Variants in EXOC4 observed in about 807,000 individuals in gnomAD.
EXOC4 encodes the protein exocyst complex component 4.
Under a neutral mutation model 107.2 loss-of-function variants are expected in EXOC4, and 71 were observed. That is an observed-to-expected ratio of 0.66 (90% CI 0.55 to 0.81). EXOC4 has a LOEUF of 0.81. Among genes scored for constraint, EXOC4 ranks in the 30% least tolerant of loss-of-function variants. EXOC4 has a pLI of 0.00. For synonymous variants in EXOC4, 456 were observed against 441.2 expected (o/e 1.03, Z -0.42); for missense variants, 1,108 against 1,189.6 (o/e 0.93, Z 1.01).
chr7:133,809,953 G>A (rs928348710), intron 10 of EXOC4, among the ~76,000 whole-genome samples: 2 of 152,110 alleles, frequency 1.3e-5, no homozygotes, highest in African/African-American at 4.8e-5. Context: ...AATGAATGAT[G>A]TGCTCTCATG....
At chr7:133,561,246 A>G (rs1431598811) in intron 9 of EXOC4, among the ~76,000 whole-genome samples, 1 of 152,202 alleles carries the variant, frequency 6.6e-6, no homozygotes, top group Non-Finnish European at 1.5e-5. Flanking sequence ...GTGGGATTGG[A>G]TTGGCCTTTA....
intron 5 of EXOC4, among the ~76,000 whole-genome samples, chr7:133,342,459 T>G (rs1474928585): frequency 6.6e-6 from 1 of 152,198 alleles, no homozygotes; most frequent in Non-Finnish European, 1.5e-5. Flanking sequence ...TAAGATTCTT[T>G]CCTTTGTCTT....
intron 10 of EXOC4, among the ~76,000 whole-genome samples, chr7:133,817,015 G>T (rs11489672): frequency 0.024 from 3,577 of 152,204 alleles, 146 homozygotes; most frequent in African/African-American, 0.082. Context: ...ACAATAATTT[G>T]TGTTTTTTGT....
intron 11 of EXOC4, among the ~76,000 whole-genome samples, chr7:133,850,626 TC>T (rs1234020200): frequency 1.3e-5 from 2 of 150,696 alleles, no homozygotes; most frequent in African/African-American, 4.9e-5. Context: ...TTAAAGGTTA[TC>T]TAGGTTACCC....
chr7:133,697,688 C>T (rs1794566751), intron 10 of EXOC4, among the ~76,000 whole-genome samples: 2 of 152,164 alleles, frequency 1.3e-5, no homozygotes, highest in Admixed American at 6.5e-5. Flanking sequence ...CCAACAAGGA[C>T]AAGTGGGGAT....
intron 17 of EXOC4, among the ~76,000 whole-genome samples, chr7:134,063,232 A>G (rs535413917): frequency 6.6e-6 from 1 of 152,092 alleles, no homozygotes; most frequent in Admixed American, 6.5e-5. Context: ...CTTCCCTCCA[A>G]CTAGAATTTC....
intron 7 of EXOC4, among the ~76,000 whole-genome samples, chr7:133,383,330 A>G (rs1038973105): frequency 2.0e-5 from 3 of 152,206 alleles, no homozygotes; most frequent in African/African-American, 7.2e-5. Flanking sequence ...GTTGACTTAA[A>G]TGTGTAACTC....
intron 7 of EXOC4, among the ~76,000 whole-genome samples, chr7:133,396,759 G>A (rs2150725228): frequency 6.6e-6 from 1 of 152,246 alleles, no homozygotes; most frequent in South Asian, 2.1e-4. Flanking sequence ...CTATTTTACA[G>A]AGAAGCTTCC....
rs145229025 is a variant in EXOC4 at position 133,631,049 on chromosome 7, T to C, written c.1514+908T>C. 9.4e-3 allele frequency among the ~76,000 whole-genome samples: 1,437 copies of C among 152,290 alleles called. 21 individuals are homozygous for C. The highest frequency in any genetic ancestry group is 0.011 in the Non-Finnish European group (778 of 67,992). ...GTATGGTACATTTAAAAAAGGTTGA[T>C]GGTAAATGTAATGTTATGTATTTTT... On this transcript the variant is annotated intron_variant, in intron 10 of 17. Transcript: ENST00000253861.
intron 9 of EXOC4, among the ~76,000 whole-genome samples, chr7:133,517,051 A>T (rs973689384): frequency 1.3e-5 from 2 of 152,090 alleles, no homozygotes; most frequent in South Asian, 4.2e-4. Context: ...GATTGATACT[A>T]ATTTGGACAA....
chr7:133,517,533 G>T (rs1799899984), intron 9 of EXOC4, among the ~76,000 whole-genome samples: 1 of 152,178 alleles, frequency 6.6e-6, no homozygotes, highest in African/African-American at 2.4e-5. Context: ...CATGGCTGGG[G>T]AGGCCTCACA....
At chr7:134,067,724 G>C (rs1796207484), downstream of EXOC4, among the ~76,000 whole-genome samples, 4 of 148,188 alleles carry the variant, frequency 2.7e-5, no homozygotes, top group Non-Finnish European at 4.4e-5. Flanking sequence ...CTATATTTTT[G>C]GTTACTTTTA....
At chr7:133,563,899 A>T (rs1800857365) in intron 9 of EXOC4, among the ~76,000 whole-genome samples, 1 of 152,214 alleles carries the variant, frequency 6.6e-6, no homozygotes, top group South Asian at 2.1e-4. Context: ...CACTTTGTCC[A>T]TTTGAATTTT....
At chr7:133,672,120 G>T (rs1793959750) in intron 10 of EXOC4, among the ~76,000 whole-genome samples, 1 of 152,146 alleles carries the variant, frequency 6.6e-6, no homozygotes, top group South Asian at 2.1e-4. Context: ...GGCCAGGCGT[G>T]GTGGCTCACG....
chr7:133,834,726 G>A (rs1205541722), intron 11 of EXOC4, among the ~76,000 whole-genome samples: 2 of 152,302 alleles, frequency 1.3e-5, no homozygotes, highest in Non-Finnish European at 2.9e-5. Context: ...AACAGCAAGT[G>A]ATAGAAGTGT....
intron 7 of EXOC4, among the ~76,000 whole-genome samples, chr7:133,391,281 A>G (rs1796846461): frequency 6.6e-6 from 1 of 152,236 alleles, no homozygotes; most frequent in Admixed American, 6.5e-5. Context: ...ACTACAGCAA[A>G]TGACGAAAGC....
chr7:133,423,748 G>A (rs556657879), intron 7 of EXOC4, among the ~76,000 whole-genome samples: 1 of 152,284 alleles, frequency 6.6e-6, no homozygotes, highest in East Asian at 1.9e-4. Context: ...AGGTGTGGAG[G>A]GAGAGGCGCG....
intron 17 of EXOC4, among the ~76,000 whole-genome samples, chr7:134,040,377 T>C (rs1795487131): frequency 6.6e-6 from 1 of 152,238 alleles, no homozygotes; most frequent in African/African-American, 2.4e-5. Flanking sequence ...CTTCTTTACA[T>C]GTGACTCACG....
At chr7:133,598,246 C>T (rs1209100431) in intron 9 of EXOC4, among the ~76,000 whole-genome samples, 1 of 152,186 alleles carries the variant, frequency 6.6e-6, no homozygotes. Context: ...TTATTGGCCA[C>T]AGCTAACAGT....
Sources: gnomAD v4.1 joint callset for allele counts (sites outside exome capture counted in the v4.1 genomes callset) on GRCh38, gnomAD v4.1.1 for gene constraint, MANE v1.5 for transcripts, NCBI Gene and HGNC (gene_info 2026-07-23, HGNC 2026-07-21) for gene names.